Variants in PRKN observed in about 807,000 individuals in gnomAD.
PRKN encodes the protein E3 ubiquitin-protein ligase parkin.
Under a neutral mutation model 59.5 loss-of-function variants are expected in PRKN, and 56 were observed. That is an observed-to-expected ratio of 0.94 (90% CI 0.76 to 1.18). The LOEUF (loss-of-function observed/expected upper bound fraction) is 1.18, where lower values mean the gene tolerates loss of function less well. Ranked by LOEUF, PRKN falls within the 50% of genes most tolerant of loss-of-function variation. The pLI is 0.00. For missense variants in PRKN, 657 were observed against 596.4 expected, an observed-to-expected ratio of 1.10 and a Z score of -1.06; for synonymous variants, 250 against 222.1, an observed-to-expected ratio of 1.13 and a Z score of -1.12.
At chr6:162,212,498 T>G (rs1177732468) in intron 3 of PRKN, among the ~76,000 whole-genome samples, 1 of 152,218 alleles carries the variant, frequency 6.6e-6, no homozygotes, top group Non-Finnish European at 1.5e-5. Context: ...ACAGTAATGT[T>G]TCTGTTTACT....
intron 8 of PRKN, among the ~76,000 whole-genome samples, chr6:161,557,953 C>A (rs909389817): frequency 1.3e-5 from 2 of 152,154 alleles, no homozygotes; most frequent in African/African-American, 4.8e-5. Flanking sequence ...TACATCTCAG[C>A]CAAAAGCACT....
At chr6:161,424,308 G>A (rs1334332090) in intron 9 of PRKN, among the ~76,000 whole-genome samples, 10 of 147,000 alleles carry the variant, frequency 6.8e-5, no homozygotes. Context: ...CTGCACTCTG[G>A]TCTGGGAGAC....
chr6:161,476,522 G>A (rs766305143), intron 9 of PRKN, among the ~76,000 whole-genome samples: 136 of 152,176 alleles, frequency 8.9e-4, no homozygotes, highest in African/African-American at 3.0e-3. Flanking sequence ...ATATTTATGC[G>A]TCTCCAACTC....
At chr6:162,659,972 A>C (rs547190000) in intron 1 of PRKN, among the ~76,000 whole-genome samples, 2 of 152,112 alleles carry the variant, frequency 1.3e-5, no homozygotes, top group South Asian at 4.1e-4. Context: ...AATATTAAAA[A>C]CCCTGTGAAA....
chr6:161,926,448 C>T (rs977343741), intron 6 of PRKN, among the ~76,000 whole-genome samples: 5 of 152,122 alleles, frequency 3.3e-5, no homozygotes, highest in South Asian at 2.1e-4. Flanking sequence ...TCTGGCTTGG[C>T]GCACACTGTC....
rs1007455134 is a variant in PRKN at position 161,515,859 on chromosome 6, G to GA, written c.1083+32994dup. 3.3e-5 allele frequency among the ~76,000 whole-genome samples: 5 copies of GA among 150,956 alleles called. No individual in the cohort carries two copies. The East Asian group carries it at 9.7e-4, about 29-fold the overall frequency. On this transcript the variant is annotated intron_variant, in intron 9 of 11. Transcript: ENST00000366898. ...AGTATAGCTGGATATTTAAAGAAAA[G>GA]AAAAAAAAGAGAAGCTAATGGCTTT... is the stretch of plus-strand genomic sequence containing the variant.
At chr6:161,869,682 G>A (rs920461724) in intron 6 of PRKN, among the ~76,000 whole-genome samples, 5 of 152,112 alleles carry the variant, frequency 3.3e-5, no homozygotes, top group Admixed American at 2.0e-4. Flanking sequence ...CACCCTCTGC[G>A]TCGTCTTAAT....
chr6:161,517,898 T>C (rs890307933), intron 9 of PRKN, among the ~76,000 whole-genome samples: 10 of 152,130 alleles, frequency 6.6e-5, no homozygotes, highest in African/African-American at 2.4e-4. Context: ...AAAAAGCTGG[T>C]GAAGGGTACC....
chr6:161,684,942 C>T (rs1464625385), intron 7 of PRKN, among the ~76,000 whole-genome samples: 1 of 152,154 alleles, frequency 6.6e-6, no homozygotes, highest in African/African-American at 2.4e-5. Context: ...GTTAAAATTC[C>T]TAGATGAGGG....
Position 162,051,857 on chromosome 6 carries a change from G to A in PRKN, c.618+2234C>T, listed in dbSNP as rs78683173. ...ATCTGGACAAGGGGACCCAAGGGGT[G>A]TCAGCTGGAAGCTTCTGGGCAAGGC... On this transcript the variant is annotated intron_variant, in intron 5 of 11. Coordinates refer to ENST00000366898, the MANE Select transcript of PRKN (RefSeq NM_004562.3). Among the ~76,000 whole-genome samples the A allele has an allele frequency of 4.1e-3, 631 of 152,198 alleles. 4 individuals carry two copies. Among genetic ancestry groups the A allele is most frequent in the African/African-American group, 0.014 (591 of 41,576 alleles).
At chr6:162,392,416 T>C (rs765437361) in intron 2 of PRKN, among the ~76,000 whole-genome samples, 8 of 152,156 alleles carry the variant, frequency 5.3e-5, no homozygotes, top group Non-Finnish European at 1.2e-4. Context: ...ATACACAAGC[T>C]GGTGCACCAG....
chr6:162,123,040 G>A (rs1780981261), intron 4 of PRKN, among the ~76,000 whole-genome samples: 1 of 151,054 alleles, frequency 6.6e-6, no homozygotes, highest in Non-Finnish European at 1.5e-5. Context: ...ACTGGTACTT[G>A]CCCATTTTGA....
At chr6:162,643,592 C>G (rs1407219478) in intron 1 of PRKN, among the ~76,000 whole-genome samples, 3 of 152,010 alleles carry the variant, frequency 2.0e-5, no homozygotes, top group Non-Finnish European at 4.4e-5. Flanking sequence ...AAAGGGTGAG[C>G]TGTCCTGAAG....
intron 9 of PRKN, among the ~76,000 whole-genome samples, chr6:161,532,166 CTATA>C (rs200674940): frequency 0.016 from 1,902 of 115,304 alleles, 25 homozygotes; most frequent in African/African-American, 0.047. Context: ...CTCTCTCTCT[CTATA>C]TATATATATA....
At position 162,661,571 on chromosome 6, in the gene PRKN, T is replaced by C. The variant is rs111454373; in HGVS notation, c.7+66091A>G. On this transcript the variant is annotated intron_variant, in intron 1 of 11. Transcript: ENST00000366898. ...GGGAACCCTGAGCACAGAGGTTTCTTTACTAGAAGTAACCAAACAGATTCT... is the reference window on the plus strand; with the variant it reads ...GGGAACCCTGAGCACAGAGGTTTCTCTACTAGAAGTAACCAAACAGATTCT... 5.9e-3 allele frequency among the ~76,000 whole-genome samples: 906 copies of C among 152,276 alleles called. 7 individuals are homozygous for C. The highest frequency in any genetic ancestry group is 9.6e-3 in the Non-Finnish European group (650 of 68,026).
At chr6:162,011,632 A>G (rs1782723014) in intron 5 of PRKN, among the ~76,000 whole-genome samples, 1 of 146,938 alleles carries the variant, frequency 6.8e-6, no homozygotes, top group Admixed American at 7.2e-5. Context: ...TAAAATAACC[A>G]TCTTTATTGT....
At chr6:162,441,785 A>G (rs1253023639) in intron 2 of PRKN, among the ~76,000 whole-genome samples, 1 of 152,220 alleles carries the variant, frequency 6.6e-6, no homozygotes, top group East Asian at 1.9e-4. Flanking sequence ...TCTTAGGCAT[A>G]TATGTTTGCA....
At chr6:162,482,163 C>T (rs1364820936) in intron 1 of PRKN, among the ~76,000 whole-genome samples, 1 of 152,104 alleles carries the variant, frequency 6.6e-6, no homozygotes, top group Non-Finnish European at 1.5e-5. Context: ...TAGGTTATGT[C>T]CAAAAAGCCA....
At chr6:161,740,148 C>T (rs972167814) in intron 7 of PRKN, among the ~76,000 whole-genome samples, 3 of 152,216 alleles carry the variant, frequency 2.0e-5, no homozygotes, top group African/African-American at 4.8e-5. Flanking sequence ...AGCGACTTGA[C>T]ATTTCAATTA....
Sources: gnomAD v4.1 joint callset for allele counts (sites outside exome capture counted in the v4.1 genomes callset) on GRCh38, gnomAD v4.1.1 for gene constraint, MANE v1.5 for transcripts, NCBI Gene and HGNC (gene_info 2026-07-23, HGNC 2026-07-21) for gene names.